The following NRXN3 variants were observed in gnomAD, a reference collection of about 807,000 sequenced individuals.
NRXN3 encodes neurexin 3.
NRXN3 carries 32 observed loss-of-function variants against 137.6 expected under a neutral mutation model. The observed-to-expected ratio is 0.23, with a 90% CI of 0.18 to 0.31. The LOEUF is 0.31. Ranked by LOEUF, NRXN3 falls within the 10% of genes least tolerant of loss-of-function variation. NRXN3 has a pLI of 1.00. For synonymous variants in NRXN3, 798 were observed against 784.5 expected (o/e 1.02, Z -0.29); for missense variants, 1,574 against 2,062.5 (o/e 0.76, Z 4.59).
chr14:79,293,597 G>T (rs776621755), intron 15 of NRXN3, among the ~76,000 whole-genome samples: 2 of 152,228 alleles, frequency 1.3e-5, no homozygotes, highest in Non-Finnish European at 2.9e-5. Context: ...GGTGTCATCT[G>T]TTTTGCTGTG....
intron 10 of NRXN3, among the ~76,000 whole-genome samples, chr14:78,887,521 T>A (rs912794527): frequency 2.6e-5 from 4 of 152,168 alleles, no homozygotes; most frequent in Admixed American, 2.6e-4. Flanking sequence ...CATAAGTGCA[T>A]GGATGCCTGA....
intron 20 of NRXN3, among the ~76,000 whole-genome samples, chr14:79,817,912 C>A (rs112248830): frequency 1.4e-3 from 207 of 152,156 alleles, no homozygotes; most frequent in Admixed American, 3.5e-3. Flanking sequence ...ATGATTTATT[C>A]AAATAACCGT....
At chr14:78,848,769 A>AT (rs1596468768) in intron 10 of NRXN3, among the ~76,000 whole-genome samples, 1 of 152,090 alleles carries the variant, frequency 6.6e-6, no homozygotes, top group Admixed American at 6.6e-5. Flanking sequence ...GGAGCCAGCA[A>AT]TTTGTTTCTG....
chr14:79,187,763 C>A (rs2063711905), intron 15 of NRXN3, among the ~76,000 whole-genome samples: 1 of 152,094 alleles, frequency 6.6e-6, no homozygotes. Context: ...TACAGGAAGA[C>A]CCTTTTGAGA....
intron 20 of NRXN3, among the ~76,000 whole-genome samples, chr14:79,847,468 C>T (rs2099381368): frequency 6.6e-6 from 1 of 152,148 alleles, no homozygotes; most frequent in Non-Finnish European, 1.5e-5. Context: ...CTCTACCAAA[C>T]TGTGAAATTT....
At chr14:78,559,144 C>A (rs1008763806) in intron 4 of NRXN3, among the ~76,000 whole-genome samples, 6 of 152,166 alleles carry the variant, frequency 3.9e-5, no homozygotes, top group Non-Finnish European at 5.9e-5. Context: ...CTAATTATAT[C>A]TTCAATGGCC....
intron 17 of NRXN3, among the ~76,000 whole-genome samples, chr14:79,666,430 T>TTTAA (rs1216003675): frequency 2.6e-5 from 4 of 152,124 alleles, no homozygotes; most frequent in Non-Finnish European, 5.9e-5. Flanking sequence ...AATTAGGACA[T>TTTAA]ATTTTTGAGT....
At chr14:79,676,102 T>A (rs1376584278) in intron 17 of NRXN3, among the ~76,000 whole-genome samples, 4 of 152,058 alleles carry the variant, frequency 2.6e-5, no homozygotes, top group African/African-American at 4.8e-5. Flanking sequence ...TGGTTGTCCC[T>A]GTCTTGCTGC....
intron 19 of NRXN3, among the ~76,000 whole-genome samples, chr14:79,769,826 G>T (rs1024879335): frequency 1.3e-5 from 2 of 152,108 alleles, no homozygotes; most frequent in African/African-American, 4.8e-5. Flanking sequence ...GACACAGACT[G>T]GCAAATTGGT....
chr14:78,759,080 A>T (rs536451355), intron 8 of NRXN3, among the ~76,000 whole-genome samples: 1 of 152,304 alleles, frequency 6.6e-6, no homozygotes, highest in African/African-American at 2.4e-5. Flanking sequence ...CTTCACCCAC[A>T]CCACAAATGT....
In NRXN3 at chr14:78,585,145, G is replaced by T. The variant is rs574138154; in HGVS notation, c.758-59975G>T. On this transcript the variant is annotated intron_variant, in intron 4 of 20. Coordinates refer to ENST00000335750, the MANE Select transcript of NRXN3 (RefSeq NM_001330195.2). ...AGAAGAAATAGGGGAGATAAGGGGG[G>T]GGGGTGATTAATTTATGTAGACATT... Among the ~76,000 whole-genome samples the T allele has an allele frequency of 2.7e-5, 4 of 149,292 alleles. 1 individual carries two copies. The South Asian group carries it at 8.8e-4, about 33-fold the overall frequency.
intron 15 of NRXN3, among the ~76,000 whole-genome samples, chr14:79,385,352 T>A (rs2094583057): frequency 6.6e-6 from 1 of 151,500 alleles, no homozygotes; most frequent in African/African-American, 2.4e-5. Flanking sequence ...GAATGATGAT[T>A]TCCAATTTCA....
intron 16 of NRXN3, among the ~76,000 whole-genome samples, chr14:79,572,093 A>G (rs1023495293): frequency 6.6e-6 from 1 of 152,094 alleles, no homozygotes; most frequent in African/African-American, 2.4e-5. Context: ...ATTAGACAAA[A>G]TTTTCAAATA....
At chr14:79,829,828 A>T (rs1344670711) in intron 20 of NRXN3, among the ~76,000 whole-genome samples, 7 of 152,030 alleles carry the variant, frequency 4.6e-5, no homozygotes, top group African/African-American at 7.2e-5. Context: ...TTTTTTATTA[A>T]TATGAAGGTG....
At chr14:78,721,058 C>A (rs535960485) in intron 8 of NRXN3, among the ~76,000 whole-genome samples, 38 of 149,578 alleles carry the variant, frequency 2.5e-4, no homozygotes, top group African/African-American at 9.2e-4. Context: ...CTAATGCAAT[C>A]TACCAGTGTC....
intron 9 of NRXN3, among the ~76,000 whole-genome samples, chr14:78,804,667 T>C (rs1008404489): frequency 6.6e-6 from 1 of 152,210 alleles, no homozygotes; most frequent in African/African-American, 2.4e-5. Context: ...ACAGAATCTT[T>C]AGAAATTTTC....
intron 4 of NRXN3, among the ~76,000 whole-genome samples, chr14:78,581,551 C>A (rs2096996965): frequency 6.6e-6 from 1 of 152,212 alleles, no homozygotes. Context: ...TAAGTTTCAA[C>A]ACATGGATTT....
chr14:79,822,081 T>C (rs1301892686), intron 20 of NRXN3, among the ~76,000 whole-genome samples: 1 of 152,164 alleles, frequency 6.6e-6, no homozygotes, highest in Non-Finnish European at 1.5e-5. Flanking sequence ...CTCTGTATTA[T>C]TTTAGTCACA....
intron 4 of NRXN3, among the ~76,000 whole-genome samples, chr14:78,580,624 G>A (rs1156642369): frequency 6.6e-6 from 1 of 152,102 alleles, no homozygotes; most frequent in Non-Finnish European, 1.5e-5. Flanking sequence ...TCACCCTTGA[G>A]CTCCCCTTAG....
Sources: allele counts gnomAD v4.1 joint callset (sites outside exome capture counted in the v4.1 genomes callset), GRCh38; gene constraint gnomAD v4.1.1; transcripts MANE v1.5; gene names NCBI Gene and HGNC (gene_info 2026-07-23, HGNC 2026-07-21).